Variants in NEXMIF observed in about 807,000 individuals in gnomAD.
The protein encoded by NEXMIF is neurite extension and migration factor, also known as XLMR protein related to neurite extension.
Under a neutral mutation model 62.1 loss-of-function variants are expected in NEXMIF, and 8 were observed. That is an observed-to-expected ratio of 0.13 (90% confidence interval 0.08 to 0.23). The LOEUF (loss-of-function observed/expected upper bound fraction) is 0.23. Among genes scored for constraint, NEXMIF ranks in the 10% least tolerant of loss-of-function variants. NEXMIF has a pLI of 1.00. For missense variants in NEXMIF, 976 were observed against 1,113.3 expected, an observed-to-expected ratio of 0.88 and a Z score of 1.75; for synonymous variants, 404 against 416.6, an observed-to-expected ratio of 0.97 and a Z score of 0.37.
intron 1 of NEXMIF, among the ~76,000 whole-genome samples, chrX:74,875,877 TTCTC>T (rs972090742): frequency 1.1e-4 from 12 of 111,904 alleles, no homozygotes; most frequent in Admixed American, 7.6e-4. Flanking sequence ...TATTTGATTC[TTCTC>T]TCTTTTTTTC....
rs143412851 is a variant in NEXMIF, at chrX:74,743,764, T to C, written c.793A>G (p.Ile265Val). 1.7e-6 allele frequency: 2 copies of C among 1,209,765 alleles called. No individual in the cohort carries two copies. The highest frequency in any genetic ancestry group is 3.5e-5 in the African/African-American group (2 of 57,111). ...AGCAGTTCAATCTTACTTTCACTAA[T>C]AAAAGTCTCGAAGTAACCCCAATCC... Reference protein sequence around the residue: ...NQDWGYFETFISESKIELLDL... With the variant: ...NQDWGYFETFVSESKIELLDL... The change falls in exon 3 of 4, where the codon ATT (isoleucine) becomes GTT (valine). Residue 265 changes from isoleucine to valine, a missense_variant. Physicochemically the swap from Ile to Val is conservative, Grantham distance 29. Around this residue, in one of 5 missense-constraint regions of NEXMIF, gnomAD observed 45 missense variants for 86.8 expected, o/e 0.52. Coordinates refer to ENST00000055682, the MANE Select transcript of NEXMIF (RefSeq NM_001008537.3).
intron 1 of NEXMIF, among the ~76,000 whole-genome samples, chrX:74,794,564 C>T (rs1381823254): frequency 8.9e-6 from 1 of 112,429 alleles, no homozygotes; most frequent in African/African-American, 3.2e-5. Context: ...GGCGAGCGCC[C>T]CTCCCCCAGC....
chrX:74,759,228 T>C, intron 1 of NEXMIF, among the ~76,000 whole-genome samples: 1 of 112,405 alleles, frequency 8.9e-6, no homozygotes, highest in Non-Finnish European at 1.9e-5. Context: ...CACTTTTTAA[T>C]GGGGTTGTTT....
intron 1 of NEXMIF, among the ~76,000 whole-genome samples, chrX:74,818,969 C>T (rs2080385298): frequency 8.9e-6 from 1 of 111,788 alleles, no homozygotes; most frequent in Non-Finnish European, 1.9e-5. Context: ...GCTGCTGGTA[C>T]TGGTACCAAA....
At chrX:74,827,075 A>G (rs2080420851) in intron 1 of NEXMIF, among the ~76,000 whole-genome samples, 1 of 112,491 alleles carries the variant, frequency 8.9e-6, no homozygotes, top group Non-Finnish European at 1.9e-5. Context: ...AATCACTTTT[A>G]CATAAATGCA....
intron 1 of NEXMIF, among the ~76,000 whole-genome samples, chrX:74,783,704 T>A (rs1461059457): frequency 9.0e-6 from 1 of 111,641 alleles, no homozygotes; most frequent in African/African-American, 3.3e-5. Flanking sequence ...TGGGGAGAGC[T>A]ACAGCAGCTC....
At chrX:74,887,894 C>A (rs1170349649) in intron 1 of NEXMIF, among the ~76,000 whole-genome samples, 1 of 112,041 alleles carries the variant, frequency 8.9e-6, no homozygotes, top group Non-Finnish European at 1.9e-5. Flanking sequence ...TTGGAACCAA[C>A]CCAAATGTCC....
At chrX:74,787,104 C>CAAAAAAAAAAA (rs766388500) in intron 1 of NEXMIF, among the ~76,000 whole-genome samples, 15 of 31,716 alleles carry the variant, frequency 4.7e-4, no homozygotes, top group East Asian at 1.3e-3. Context: ...ACCAAAAATA[C>CAAAAAAAAAAA]AAAAAAAAAA....
Position 74,743,437 on chromosome X carries a change from C to T in NEXMIF, c.1120G>A (p.Gly374Arg). 1 of 1,211,498 alleles carries T rather than the reference C, an allele frequency of 8.3e-7. No individual in the cohort carries two copies. The highest frequency in any genetic ancestry group is 1.1e-6 in the Non-Finnish European group (1 of 895,409). ...TTGTCCAAGTTTTTATCTTCCTCCC[C>T]CCAGATGATGCTCACATCAGGGACC... is the stretch of plus-strand genomic sequence containing the variant. The part of the protein sequence containing the change: ...FKVPDVSIIW[G>R]EEDKNLDKKK... The change falls in exon 3 of 4, where the codon GGG (glycine) becomes AGG (arginine). Residue 374 changes from glycine (G) to arginine (R), a missense_variant. Around this residue, in one of 5 missense-constraint regions of NEXMIF, gnomAD observed 639 missense variants for 694.5 expected, o/e 0.92. Coordinates refer to ENST00000055682, the MANE Select transcript of NEXMIF (RefSeq NM_001008537.3).
intron 1 of NEXMIF, among the ~76,000 whole-genome samples, chrX:74,829,564 T>C (rs1367019990): frequency 1.8e-5 from 2 of 112,085 alleles, no homozygotes; most frequent in African/African-American, 6.5e-5. Flanking sequence ...TTAGGGTATA[T>C]ACCCAGCAGT....
chrX:74,813,634 A>T (rs2080367342), intron 1 of NEXMIF, among the ~76,000 whole-genome samples: 1 of 112,475 alleles, frequency 8.9e-6, no homozygotes, highest in Middle Eastern at 4.6e-3. Flanking sequence ...GCTAGTAGCT[A>T]CAACAGAACT....
chrX:74,734,465 G>C lies in NEXMIF; in HGVS notation c.*4940C>G, dbSNP rs969753470. The C allele has an allele frequency of 8.9e-6, 1 of 111,813 alleles. No individual in the cohort carries two copies. The highest frequency in any genetic ancestry group is 1.9e-5 in the Non-Finnish European group (1 of 53,045). 9.2% of individuals were successfully genotyped at this position (111,813 alleles called of 1,213,427 possible). On this transcript the variant is annotated 3_prime_UTR_variant, in exon 4 of 4. Transcript: ENST00000055682. ...TAGTTTTCATTCTAAGCCTTTTTTT[G>C]TGCTGTAAATAACCAGTCATCTCTC...
intron 1 of NEXMIF, among the ~76,000 whole-genome samples, chrX:74,851,172 A>AT (rs932644803): frequency 3.6e-5 from 4 of 110,842 alleles, no homozygotes; most frequent in Non-Finnish European, 5.7e-5. Flanking sequence ...AGTCAGTCAA[A>AT]TTTTTTTTAA....
intron 1 of NEXMIF, among the ~76,000 whole-genome samples, chrX:74,774,813 A>C (rs758926409): frequency 1.8e-5 from 2 of 111,841 alleles, no homozygotes; most frequent in Admixed American, 1.9e-4. Flanking sequence ...ATGATGAGTC[A>C]AAGGATAGAG....
At chrX:74,898,527 G>A (rs1390373732) in intron 1 of NEXMIF, among the ~76,000 whole-genome samples, 1 of 111,279 alleles carries the variant, frequency 9.0e-6, no homozygotes, top group Non-Finnish European at 1.9e-5. Context: ...GAAAACTGAA[G>A]AAATATAAAG....
intron 2 of NEXMIF, 22 bp downstream of exon 2, chrX:74,745,550 T>A (rs373030980): frequency 1.9e-6 from 2 of 1,059,713 alleles, no homozygotes; most frequent in Admixed American, 2.2e-5. Flanking sequence ...GATATTAATA[T>A]ACTATAATTA....
intron 1 of NEXMIF, among the ~76,000 whole-genome samples, chrX:74,809,744 C>T (rs890899581): frequency 5.4e-5 from 6 of 111,845 alleles, no homozygotes; most frequent in Non-Finnish European, 9.4e-5. Flanking sequence ...GCTTCTGCAG[C>T]CCCTGCCAAC....
rs769778503 is a variant in NEXMIF, at chrX:74,744,196, C to A, written c.361G>T (p.Ala121Ser). The change falls in exon 3 of 4, where the codon GCT becomes TCT. Residue 121 changes from alanine (A) to serine (S), a missense_variant. Ala to Ser is a moderately conservative substitution (Grantham distance 99). Coordinates refer to ENST00000055682, the MANE Select transcript of NEXMIF (RefSeq NM_001008537.3). Reference protein sequence around the residue: ...TWSLPNECEKAPFAIMEPAGM... With the variant: ...TWSLPNECEKSPFAIMEPAGM... The stretch of plus-strand genomic sequence containing the variant: ...GCAGGCTCCATTATGGCAAATGGAG[C>A]TTTCTCACATTCATTGGGAAGTGAC... The A allele has an allele frequency of 1.2e-5, 14 of 1,211,513 alleles. No homozygotes were observed. The South Asian group carries it at 1.9e-4, about 17-fold the overall frequency.
chrX:74,857,789 G>C (rs1005192953), intron 1 of NEXMIF, among the ~76,000 whole-genome samples: 1 of 111,858 alleles, frequency 8.9e-6, no homozygotes, highest in African/African-American at 3.2e-5. Flanking sequence ...CTTCCATGAA[G>C]AATGAGTCCC....
Sources: allele counts gnomAD v4.1 joint callset (sites outside exome capture counted in the v4.1 genomes callset), GRCh38; gene constraint gnomAD v4.1.1; regional missense constraint gnomAD v4.1.1; transcripts MANE v1.5; gene names NCBI Gene and HGNC (gene_info 2026-07-23, HGNC 2026-07-21).